Variants in C13orf42 observed in about 807,000 individuals in gnomAD.
The protein encoded by C13orf42 is chromosome 13 open reading frame 42, also known as uncharacterized protein C13orf42.
intron 1 of C13orf42, among the ~76,000 whole-genome samples, chr13:51,101,803 C>T (rs376188191): frequency 6.6e-6 from 1 of 152,152 alleles, no homozygotes. Flanking sequence ...GGAGGGAAAT[C>T]CACTGTGTGG....
chr13:51,084,768 GA>G (rs907624967), intron 3 of C13orf42, among the ~76,000 whole-genome samples: 4 of 152,200 alleles, frequency 2.6e-5, no homozygotes, highest in Non-Finnish European at 4.4e-5. Context: ...TGGATAACAG[GA>G]ATTTGACGGT....
intron 1 of C13orf42, among the ~76,000 whole-genome samples, chr13:51,163,853 G>A (rs2138050777): frequency 6.6e-6 from 1 of 152,122 alleles, no homozygotes; most frequent in East Asian, 1.9e-4. Context: ...TGGGTACTAA[G>A]CAGTGAGAGT....
intron 1 of C13orf42, among the ~76,000 whole-genome samples, chr13:51,103,626 G>C (rs892854812): frequency 6.6e-6 from 1 of 152,046 alleles, no homozygotes; most frequent in South Asian, 2.1e-4. Context: ...ACTTGAACCC[G>C]GGAGGCAGAG....
In C13orf42 at chr13:51,151,548, T is replaced by C. The variant is rs191567520; in HGVS notation, n.136+20705A>G. On this transcript the variant is annotated intron_variant and non_coding_transcript_variant, in intron 1 of 4. Coordinates refer to the C13orf42 transcript ENST00000433280. ...CTTTAAGCCACTAAGTTGGTGATGA[T>C]TTGTTCCAGCAGTAATAGGAAATCA... 3.3e-5 allele frequency among the ~76,000 whole-genome samples: 5 copies of C among 152,352 alleles called. No individual in the cohort carries two copies. In the East Asian group the frequency reaches 9.6e-4, roughly 29 times the overall value.
intron 1 of C13orf42, among the ~76,000 whole-genome samples, chr13:51,139,670 T>C (rs560699337): frequency 3.3e-4 from 51 of 152,312 alleles, no homozygotes; most frequent in African/African-American, 1.1e-3. Context: ...CTGGTCATCC[T>C]CACTGCTACA....
chr13:51,137,757 T>C (rs1025252906), intron 1 of C13orf42, among the ~76,000 whole-genome samples: 14 of 152,214 alleles, frequency 9.2e-5, no homozygotes, highest in Non-Finnish European at 1.6e-4. Flanking sequence ...CTGGAAGTTT[T>C]AGGAAAGCCA....
At chr13:51,121,425 T>C (rs73485866) in intron 1 of C13orf42, among the ~76,000 whole-genome samples, 6,358 of 152,300 alleles carry the variant, frequency 0.042, 397 homozygotes, top group African/African-American at 0.14. Flanking sequence ...CAGCATCTAT[T>C]GGAATAACTT....
intron 1 of C13orf42, among the ~76,000 whole-genome samples, chr13:51,124,809 T>A (rs929744639): frequency 2.0e-5 from 3 of 152,212 alleles, no homozygotes. Flanking sequence ...GCTGCTTCCA[T>A]GACCTTCCAG....
chr13:51,107,977 T>C (rs1953379077), intron 1 of C13orf42, among the ~76,000 whole-genome samples: 1 of 152,202 alleles, frequency 6.6e-6, no homozygotes, highest in Non-Finnish European at 1.5e-5. Context: ...AGCTTAGAGC[T>C]ATAGATCTCA....
chr13:51,131,717 T>C (rs1953618204), intron 1 of C13orf42, among the ~76,000 whole-genome samples: 1 of 152,244 alleles, frequency 6.6e-6, no homozygotes, highest in African/African-American at 2.4e-5. Context: ...CTTGCTGCAC[T>C]TTATACAAAT....
Position 51,085,361 on chromosome 13 carries a change from G to T in C13orf42, c.761C>A (p.Ala254Asp), listed in dbSNP as rs537015691. The change falls in exon 3 of 4, where the codon GCC becomes GAC. Residue 254 changes from alanine (A) to aspartate (D), a missense_variant. Coordinates refer to ENST00000563710, the MANE Select transcript of C13orf42 (RefSeq NM_001351589.3). ...GGGCTTAAATTTCCAGGTGTTGAAG[G>T]CCCCTTCCACAGCCTTGGGCAAATA... ...PIYLPKAVEG[A>D]FNTWKFKPKA... 139 of 398,492 alleles carry T rather than the reference G, an allele frequency of 3.5e-4. No individual in the cohort carries two copies. The highest frequency in any genetic ancestry group is 2.6e-3 in the African/African-American group (127 of 48,706). 24.7% of individuals were successfully genotyped at this position (398,492 alleles called of 1,614,324 possible).
intron 1 of C13orf42, among the ~76,000 whole-genome samples, chr13:51,117,588 A>G (rs2138010719): frequency 6.6e-6 from 1 of 152,308 alleles, no homozygotes; most frequent in Admixed American, 6.5e-5. Context: ...GAAGGCTGAG[A>G]CTGATGGTAC....
At chr13:51,145,460 T>A (rs1469103105) in intron 1 of C13orf42, among the ~76,000 whole-genome samples, 3 of 152,108 alleles carry the variant, frequency 2.0e-5, no homozygotes, top group Non-Finnish European at 4.4e-5. Flanking sequence ...AAATAAACCA[T>A]CCTAGCTATG....
chr13:51,129,295 C>T (rs1566134302), intron 1 of C13orf42, among the ~76,000 whole-genome samples: 1 of 152,140 alleles, frequency 6.6e-6, no homozygotes, highest in Non-Finnish European at 1.5e-5. Flanking sequence ...GGTCTGCAGG[C>T]AGACCCCCGC....
At chr13:51,108,146 A>G (rs949623722) in intron 1 of C13orf42, among the ~76,000 whole-genome samples, 2 of 152,090 alleles carry the variant, frequency 1.3e-5, no homozygotes, top group Non-Finnish European at 2.9e-5. Flanking sequence ...CCATCTTCTT[A>G]TGAAAACACC....
At chr13:51,137,196 A>G (rs1294438959) in intron 1 of C13orf42, among the ~76,000 whole-genome samples, 2 of 152,228 alleles carry the variant, frequency 1.3e-5, no homozygotes, top group African/African-American at 2.4e-5. Flanking sequence ...TAAACAGTAC[A>G]TATGTTTATA....
chr13:51,169,096 G>A (rs1052028264), intron 1 of C13orf42, among the ~76,000 whole-genome samples: 1 of 152,154 alleles, frequency 6.6e-6, no homozygotes, highest in Non-Finnish European at 1.5e-5. Context: ...GTGGGGCATT[G>A]CTATGAGATA....
chr13:51,152,228 G>C lies in C13orf42; in HGVS notation n.136+20025C>G, dbSNP rs114063504. Among the ~76,000 whole-genome samples, 377 of 152,324 alleles carry C rather than the reference G, an allele frequency of 2.5e-3. 1 individual carries two copies. Among genetic ancestry groups the C allele is most frequent in the African/African-American group, 8.7e-3 (362 of 41,550 alleles). Reference sequence around the variant, plus strand: ...GCTTAGAACGGTGCACTCCAGCTCTGTGTCGTTTCTCAGCATCTACATAGA... The same window carrying C: ...GCTTAGAACGGTGCACTCCAGCTCTCTGTCGTTTCTCAGCATCTACATAGA... On this transcript the variant is annotated intron_variant and non_coding_transcript_variant, in intron 1 of 4. Coordinates refer to the C13orf42 transcript ENST00000433280.
Position 51,087,913 on chromosome 13 carries a change from C to T in C13orf42, c.562+15G>A. The T allele has an allele frequency of 2.5e-6, 1 of 399,268 alleles. No homozygotes were observed. The highest frequency in any genetic ancestry group is 4.4e-6 in the Non-Finnish European group (1 of 226,388). 24.7% of individuals were successfully genotyped at this position (399,268 alleles called of 1,614,324 possible). A position where few individuals can be genotyped will look rare whatever the true frequency, so the allele number is the denominator to read the frequency against. ...CCTTCAGCCACCATCTTCCCACTGC[C>T]TTCCTGGCACTCACCGTCAAAGTCC... is the stretch of plus-strand genomic sequence containing the variant. On this transcript the variant is annotated intron_variant, in intron 2 of 3. Coordinates refer to ENST00000563710, the MANE Select transcript of C13orf42 (RefSeq NM_001351589.3).
Sources: allele counts gnomAD v4.1 joint callset (sites outside exome capture counted in the v4.1 genomes callset), GRCh38; gene constraint gnomAD v4.1.1; transcripts MANE v1.5; gene names NCBI Gene and HGNC (gene_info 2026-07-23, HGNC 2026-07-21).